FASN: variants seen among roughly 807,000 people sequenced by gnomAD.
The protein encoded by FASN is 3-hydroxyacyl-[acyl-carrier-protein] dehydratase.
Under a neutral mutation model 250.0 loss-of-function variants are expected in FASN, and 50 were observed. The observed-to-expected ratio is 0.20, with a 90% CI of 0.16 to 0.25. The LOEUF is 0.25. FASN is among the 10% of genes least tolerant of loss of function. The pLI, the probability that FASN is intolerant of heterozygous loss-of-function variation, is 1.00. For missense variants in FASN, 3,031 were observed against 3,498.5 expected, an observed-to-expected ratio of 0.87 and a Z score of 3.37; for synonymous variants, 1,909 against 1,584.0, an observed-to-expected ratio of 1.21 and a Z score of -4.87.
At position 82,081,359 on chromosome 17, in the gene FASN, G is replaced by A. The variant is rs928088731; in HGVS notation, c.6407-7C>T. On this transcript the variant is annotated splice_polypyrimidine_tract_variant and splice_region_variant and intron_variant, in intron 37 of 42. Coordinates refer to ENST00000306749, the MANE Select transcript of FASN (RefSeq NM_004104.5). Reference sequence around the variant, plus strand: ...GCAGCCAAGTCGCGGATGCCTGGAAGGGATGCGCCGGGTCGGCAACTCCAG... The same window carrying A: ...GCAGCCAAGTCGCGGATGCCTGGAAAGGATGCGCCGGGTCGGCAACTCCAG... The A allele has an allele frequency of 1.9e-6, 3 of 1,558,196 alleles. No individual in the cohort carries two copies. In the Admixed American group the frequency reaches 5.7e-5, roughly 30 times the overall value.
chr17:82,096,792 T>C (rs2034312436), intron 1 of FASN: 1 of 374,594 alleles, frequency 2.7e-6, no homozygotes. Flanking sequence ...CTCGCCTGAG[T>C]CTCAGCCTTC....
chr17:82,080,644 G>A (rs372944317), intron 39 of FASN, 48 bp downstream of exon 39: 15 of 1,552,706 alleles, frequency 9.7e-6, no homozygotes, highest in African/African-American at 2.7e-5. Flanking sequence ...CACGGGCCCC[G>A]TGATGGCCAG....
Position 82,078,953 on chromosome 17 carries a change from G to A in FASN, c.*190C>T, listed in dbSNP as rs552654492. On this transcript the variant is annotated 3_prime_UTR_variant, in exon 43 of 43. Coordinates refer to ENST00000306749, the MANE Select transcript of FASN (RefSeq NM_004104.5). This position sits in a 1 kb window ranked among gnomAD's most constrained non-coding sequence, Gnocchi z 5.4. ...CCAAGTCGGCAGCTCTGGTGTCCCC[G>A]AGGTGCCGTGGGAGGCGGCGGGTGG... is the stretch of plus-strand genomic sequence containing the variant. The A allele has an allele frequency of 1.3e-5, 9 of 695,070 alleles. No individual in the cohort carries two copies. Among genetic ancestry groups the A allele is most frequent in the South Asian group, 1.8e-5 (1 of 56,030 alleles). 43.1% of individuals were successfully genotyped at this position (695,070 alleles called of 1,614,324 possible).
chr17:82,091,511 G>A lies in FASN; in HGVS notation c.1203C>T (p.His401=), dbSNP rs1461654586. ...NSFGFGGSNV[H]IILRPNTQPP... ...GCTGCGTGTTGGGCCTCAGGATGAT[G>A]TGCACGTTGGAGCCCCCGAAGCCAA... is the stretch of plus-strand genomic sequence containing the variant. The change falls in exon 9 of 43, where the codon CAC becomes CAT. Residue 401 remains histidine (H), a synonymous_variant. Coordinates refer to ENST00000306749, the MANE Select transcript of FASN (RefSeq NM_004104.5). The A allele has an allele frequency of 1.9e-6, 3 of 1,604,334 alleles. No individual in the cohort carries two copies. The highest frequency in any genetic ancestry group is 1.7e-6 in the Non-Finnish European group (2 of 1,176,350).
At position 82,087,258 on chromosome 17, in the gene FASN, G is replaced by C. The variant is rs752307475; in HGVS notation, c.3224-5C>G. On this transcript the variant is annotated splice_polypyrimidine_tract_variant and splice_region_variant and intron_variant, in intron 20 of 42. Coordinates refer to ENST00000306749, the MANE Select transcript of FASN (RefSeq NM_004104.5). ...TGCTCACCACCACGTCAGCCACTGTGGGGACAGGCTGGGTGAGTGCGGCAT... is the reference window on the plus strand; with the variant it reads ...TGCTCACCACCACGTCAGCCACTGTCGGGACAGGCTGGGTGAGTGCGGCAT... 5.6e-6 allele frequency: 9 copies of C among 1,606,630 alleles called. No homozygotes were observed. In the South Asian group the frequency reaches 6.7e-5, roughly 12 times the overall value.
rs765837040 is a variant in FASN, at chr17:82,093,552, G to A, written c.454+46C>T. The stretch of plus-strand genomic sequence containing the variant: ...CACGTGGTTTCTGCTCAGCATGTGG[G>A]GACCTGAAGGCCACCCACCTCCGCA... On this transcript the variant is annotated intron_variant, in intron 4 of 42. Transcript: ENST00000306749. 3.1e-6 allele frequency: 5 copies of A among 1,611,360 alleles called. No homozygotes were observed. In the African/African-American group the frequency reaches 6.7e-5, roughly 22 times the overall value.
In FASN at chr17:82,079,001, A is replaced by T; in HGVS notation, c.*142T>A. The T allele has an allele frequency of 2.9e-6, 3 of 1,032,428 alleles. No homozygotes were observed. Among genetic ancestry groups the T allele is most frequent in the East Asian group, 2.6e-5 (1 of 38,208 alleles). The allele number at this position is 1,032,428 out of a possible 1,614,324, so 64.0% of individuals were successfully genotyped here. A position where few individuals can be genotyped will look rare whatever the true frequency, so the allele number is the denominator to read the frequency against. ...TGGGTGGGACATGCCTAACACCTAC[A>T]TCTAGCAGCCTCGGGGGGCAGTGGC... On this transcript the variant is annotated 3_prime_UTR_variant, in exon 43 of 43. Transcript: ENST00000306749.
chr17:82,081,746 G>A lies in FASN; in HGVS notation c.6261C>T (p.Arg2087=), dbSNP rs773903733. ...DTIVSGTLPQ[R]MASCLEVLDL... ...CCAGCACCTCCAGGCAGGACGCCAT[G>A]CGCTGGGGCAGCGTGCCACTGACGA... The change falls in exon 37 of 43, where the codon CGC becomes CGT. Residue 2087 remains arginine (R), a synonymous_variant. Transcript: ENST00000306749. The A allele has an allele frequency of 4.3e-6, 7 of 1,612,728 alleles. No homozygotes were observed. Among genetic ancestry groups the A allele is most frequent in the East Asian group, 2.2e-5 (1 of 44,882 alleles).
At position 82,082,739 on chromosome 17, in the gene FASN, G is replaced by A. The variant is rs1281050340; in HGVS notation, c.5768-61C>T. The A allele has an allele frequency of 1.6e-5, 25 of 1,589,218 alleles. No homozygotes were observed. In the Admixed American group the frequency reaches 2.2e-4, roughly 14 times the overall value. ...GGGTACGGTCTCTTCCCTACACGCC[G>A]GGCTGGGGAAGTGGGGAGCAGCCGC... is the stretch of plus-strand genomic sequence containing the variant. On this transcript the variant is annotated intron_variant, in intron 33 of 42. Coordinates refer to ENST00000306749, the MANE Select transcript of FASN (RefSeq NM_004104.5).
rs142537824 is a variant in FASN at position 82,082,920 on chromosome 17, G to C, written c.5761C>G (p.Arg1921Gly). 29 of 1,612,574 alleles carry C rather than the reference G, an allele frequency of 1.8e-5. No individual in the cohort carries two copies. The highest frequency in any genetic ancestry group is 2.3e-5 in the Non-Finnish European group (27 of 1,179,950). The change falls in exon 33 of 43, where the codon CGG becomes GGG. Residue 1921 changes from arginine to glycine, a missense_variant. Physicochemically the swap from Arg to Gly is moderately radical, Grantham distance 125. Transcript: ENST00000306749. ...AGCACCCCTGCCGACTCACCTGTCCGGATCCCGGAGCGAGAAGTCAACACG... is the reference window on the plus strand; with the variant it reads ...AGCACCCCTGCCGACTCACCTGTCCCGATCCCGGAGCGAGAAGTCAACACG... ...KLVLTSRSGIRTGYQAKQVRR... is the reference protein window; with the variant it reads ...KLVLTSRSGIGTGYQAKQVRR...
Position 82,089,735 on chromosome 17 carries a change from G to A in FASN, c.1871-9C>T, listed in dbSNP as rs1331573436. The A allele has an allele frequency of 4.4e-6, 7 of 1,582,168 alleles. No homozygotes were observed. The Admixed American group carries it at 1.3e-4, about 29-fold the overall frequency. On this transcript the variant is annotated splice_polypyrimidine_tract_variant and intron_variant, in intron 11 of 42. Transcript: ENST00000306749. ...CTCCTCCCAGGACAAGCCTATGGCA[G>A]AGCCAGCCTCAGAGGCTTAGCGTGG...
At position 82,090,044 on chromosome 17, in the gene FASN, G is replaced by A. The variant is rs563043530; in HGVS notation, c.1871-318C>T. Among the ~76,000 whole-genome samples, 59 of 152,284 alleles carry A rather than the reference G, an allele frequency of 3.9e-4. 1 individual carries two copies. The highest frequency in any genetic ancestry group is 1.4e-3 in the African/African-American group (57 of 41,540). On this transcript the variant is annotated intron_variant, in intron 11 of 42. Transcript: ENST00000306749. Reference sequence around the variant, plus strand: ...GGCTCAGAGATGGGTGCCAACAGAGGGCACCAGTCTGAGGGAACCCTGATG... The same window carrying A: ...GGCTCAGAGATGGGTGCCAACAGAGAGCACCAGTCTGAGGGAACCCTGATG...
At chr17:82,089,867 C>T (rs188089545) in intron 11 of FASN, 141 bp from the exon 12 acceptor site, 3 of 776,518 alleles carry the variant, frequency 3.9e-6, no homozygotes, top group Non-Finnish European at 6.5e-6. Flanking sequence ...GAGAAAGGTT[C>T]GCCCCCTGCT....
intron 1 of FASN, among the ~76,000 whole-genome samples, chr17:82,097,706 C>T (rs1201214518): frequency 6.6e-6 from 1 of 152,090 alleles, no homozygotes; most frequent in Non-Finnish European, 1.5e-5. Flanking sequence ...CCCGGCGCGG[C>T]CCCTGCGCCC....
chr17:82,078,916 G>T lies in FASN; in HGVS notation c.*227C>A, dbSNP rs1357102537. 4.0e-5 allele frequency: 25 copies of T among 626,202 alleles called. No homozygotes were observed. In the South Asian group the frequency reaches 4.8e-4, roughly 12 times the overall value. The allele number at this position is 626,202 out of a possible 1,614,324, so 38.8% of individuals were successfully genotyped here. ...GCACGGGCACCACCGGCTCTTCACA[G>T]ACCAGGAGTCTCCAAGTCGGCAGCT... On this transcript the variant is annotated 3_prime_UTR_variant, in exon 43 of 43. Transcript: ENST00000306749. The surrounding 1 kb of genome is among the most constrained non-coding windows in gnomAD (Gnocchi z 5.4).
chr17:82,079,307 C>T (rs1048551443), intron 42 of FASN, 27 bp from the exon 43 acceptor site: 2 of 1,612,908 alleles, frequency 1.2e-6, no homozygotes, highest in African/African-American at 1.3e-5. Context: ...CAGCTGCCGT[C>T]CCACCCCACT....
Position 82,092,920 on chromosome 17 carries a change from T to C in FASN, c.755A>G (p.Asn252Ser). Reference protein sequence around the residue: ...VYATILNAGTNTDGFKEQGVT... With the variant: ...VYATILNAGTSTDGFKEQGVT... ...ACCTTGCTCCTTGAAGCCATCTGTA[T>C]TGGTGCCGGCGTTCAGGATGGTGGC... Residue 252 changes from asparagine (N) to serine (S), a missense_variant, in exon 6 of 43, where the codon AAT becomes AGT. Physicochemically the swap from Asn to Ser is conservative, Grantham distance 46. Transcript: ENST00000306749. The C allele has an allele frequency of 6.2e-7, 1 of 1,605,722 alleles. No homozygotes were observed. The highest frequency in any genetic ancestry group is 1.3e-5 in the African/African-American group (1 of 74,962).
chr17:82,087,370 C>A lies in FASN; in HGVS notation c.3178G>T (p.Ala1060Ser), dbSNP rs745804315. The A allele has an allele frequency of 6.2e-7, 1 of 1,612,530 alleles. No homozygotes were observed. Among genetic ancestry groups the A allele is most frequent in the South Asian group, 1.1e-5 (1 of 91,086 alleles). The change falls in exon 20 of 43, where the codon GCC becomes TCC. Residue 1060 changes from alanine (A) to serine (S), a missense_variant. Physicochemically the swap from Ala to Ser is moderately conservative, Grantham distance 99. Transcript: ENST00000306749. Reference sequence around the variant, plus strand: ...GTGTACAGCTTCTGCCTGTGGGTGGCAGGGTCGATGTGGATGGCGGTGACA... The same window carrying A: ...GTGTACAGCTTCTGCCTGTGGGTGGAAGGGTCGATGTGGATGGCGGTGACA... ...TRVTAIHIDP[A>S]THRQKLYTLQ...
At chr17:82,096,728 T>A (rs1211197085) in intron 1 of FASN, 1 of 489,650 alleles carries the variant, frequency 2.0e-6, no homozygotes, top group Non-Finnish European at 3.8e-6. Context: ...ACTGGAGCCC[T>A]GCAGCCCTGG....
Sources: gnomAD v4.1 joint callset for allele counts (sites outside exome capture counted in the v4.1 genomes callset) on GRCh38, gnomAD v4.1.1 for gene constraint, Gnocchi (gnomAD v3.1) non-coding constraint, MANE v1.5 for transcripts, NCBI Gene and HGNC (gene_info 2026-07-23, HGNC 2026-07-21) for gene names.